The following NELL1 variants were observed in gnomAD, a reference collection of about 807,000 sequenced individuals.
NELL1 encodes protein kinase C-binding protein NELL1.
In NELL1, 76 loss-of-function variants were observed where a neutral mutation model predicts 107.4. The ratio of observed to expected loss-of-function variants is 0.71; its 90% CI spans 0.59 to 0.86. The LOEUF (loss-of-function observed/expected upper bound fraction) is 0.86, where lower values mean the gene tolerates loss of function less well. Ranked by LOEUF, NELL1 falls within the 40% of genes least tolerant of loss-of-function variation. The pLI, the probability that NELL1 is intolerant of heterozygous loss-of-function variation, is 0.00. For synonymous variants in NELL1, 353 were observed against 341.2 expected (o/e 1.03, Z -0.38); for missense variants, 1,024 against 1,005.5 (o/e 1.02, Z -0.25).
At chr11:20,959,944 A>G (rs916425503) in intron 11 of NELL1, among the ~76,000 whole-genome samples, 5 of 152,230 alleles carry the variant, frequency 3.3e-5, no homozygotes, top group African/African-American at 1.2e-4. Context: ...AAAGCTATAA[A>G]AAGCTGCAAG....
intron 13 of NELL1, among the ~76,000 whole-genome samples, chr11:21,134,789 A>C (rs560498691): frequency 1.3e-5 from 2 of 152,316 alleles, no homozygotes; most frequent in Admixed American, 1.3e-4. Flanking sequence ...TTGAAATGTA[A>C]AGTCCAAATG....
intron 15 of NELL1, among the ~76,000 whole-genome samples, chr11:21,428,020 G>C (rs1418043277): frequency 6.6e-6 from 1 of 152,204 alleles, no homozygotes; most frequent in Non-Finnish European, 1.5e-5. Flanking sequence ...TCCTGAAGCT[G>C]AATAGACAAG....
At chr11:21,279,170 A>G (rs1377371853) in intron 14 of NELL1, among the ~76,000 whole-genome samples, 1 of 152,170 alleles carries the variant, frequency 6.6e-6, no homozygotes, top group Non-Finnish European at 1.5e-5. Flanking sequence ...AAAAACTCGA[A>G]CTCCTAGAAG....
chr11:21,363,551 G>A (rs761100235), intron 14 of NELL1, among the ~76,000 whole-genome samples: 4 of 152,128 alleles, frequency 2.6e-5, no homozygotes, highest in South Asian at 2.1e-4. Context: ...AGATCATGGT[G>A]TGAGTCTCCA....
intron 2 of NELL1, among the ~76,000 whole-genome samples, chr11:20,685,028 A>G (rs569475157): frequency 6.6e-6 from 1 of 151,872 alleles, no homozygotes; most frequent in Non-Finnish European, 1.5e-5. Flanking sequence ...TTTTGGGTAG[A>G]TCTGTGTTTC....
chr11:21,555,813 C>T (rs892770721), intron 16 of NELL1, among the ~76,000 whole-genome samples: 9 of 152,012 alleles, frequency 5.9e-5, no homozygotes, highest in Non-Finnish European at 1.0e-4. Context: ...TGAGTTTGAG[C>T]TCCTCATCAC....
intron 3 of NELL1, among the ~76,000 whole-genome samples, chr11:20,814,985 CT>C (rs1209717856): frequency 6.6e-6 from 1 of 152,026 alleles, no homozygotes; most frequent in Non-Finnish European, 1.5e-5. Context: ...ATTTTTTTGA[CT>C]TTTTAATAGT....
At chr11:20,718,315 A>G (rs927653552) in intron 2 of NELL1, among the ~76,000 whole-genome samples, 8 of 152,176 alleles carry the variant, frequency 5.3e-5, no homozygotes, top group Non-Finnish European at 8.8e-5. Flanking sequence ...TTAAGTAGCC[A>G]CATGTGGCCA....
intron 12 of NELL1, among the ~76,000 whole-genome samples, chr11:21,104,338 T>C (rs1344268013): frequency 6.6e-6 from 1 of 152,176 alleles, no homozygotes; most frequent in African/African-American, 2.4e-5. Flanking sequence ...AAGAAAGTCA[T>C]GGGGTGTTGT....
At chr11:21,094,717 T>G (rs1201975711) in intron 12 of NELL1, among the ~76,000 whole-genome samples, 1 of 152,194 alleles carries the variant, frequency 6.6e-6, no homozygotes, top group Non-Finnish European at 1.5e-5. Flanking sequence ...TATGTTGGCT[T>G]CTTTCATCGG....
At chr11:21,306,881 T>G (rs1317990986) in intron 14 of NELL1, among the ~76,000 whole-genome samples, 13 of 152,082 alleles carry the variant, frequency 8.5e-5, no homozygotes, top group Admixed American at 8.5e-4. Flanking sequence ...TGTAATAACA[T>G]TTAAGATGCA....
At chr11:21,314,265 A>G (rs1436293626) in intron 14 of NELL1, among the ~76,000 whole-genome samples, 1 of 152,104 alleles carries the variant, frequency 6.6e-6, no homozygotes, top group Admixed American at 6.6e-5. Flanking sequence ...TAAATACCCC[A>G]CTTCCAATAC....
chr11:21,503,942 A>G (rs771321304), intron 15 of NELL1: 22 of 152,176 alleles, frequency 1.4e-4, no homozygotes, highest in African/African-American at 5.3e-4. Flanking sequence ...AATAATTACT[A>G]TGATATCACT....
Position 21,129,771 on chromosome 11 carries a change from A to G in NELL1, c.1426+16057A>G, listed in dbSNP as rs554507893. ...AGGCTGGAGCAATGGGGGCATGGAA[A>G]GTTATTGTTAATGGGTATAGGGCAT... On this transcript the variant is annotated intron_variant, in intron 13 of 19. Coordinates refer to ENST00000357134, the MANE Select transcript of NELL1 (RefSeq NM_006157.5). Among the ~76,000 whole-genome samples, 6 of 152,318 alleles carry G rather than the reference A, an allele frequency of 3.9e-5. No homozygotes were observed. In the East Asian group the frequency reaches 1.2e-3, roughly 29 times the overall value.
chr11:21,267,432 T>G (rs73453928), intron 14 of NELL1, among the ~76,000 whole-genome samples: 3,846 of 152,252 alleles, frequency 0.025, 184 homozygotes, highest in African/African-American at 0.087. Context: ...TATGCATTTT[T>G]TTCTCTCCAA....
chr11:21,203,981 A>T (rs1293372343), intron 13 of NELL1, among the ~76,000 whole-genome samples: 1 of 152,194 alleles, frequency 6.6e-6, no homozygotes, highest in Non-Finnish European at 1.5e-5. Flanking sequence ...AGAGATCCAC[A>T]GTTAGTCTGA....
chr11:21,222,886 G>A (rs1186517719), intron 13 of NELL1, among the ~76,000 whole-genome samples: 1 of 151,742 alleles, frequency 6.6e-6, no homozygotes, highest in Non-Finnish European at 1.5e-5. Context: ...TTCTAGTTTT[G>A]TTCCATTGTG....
At chr11:21,316,958 A>T (rs1849892794) in intron 14 of NELL1, among the ~76,000 whole-genome samples, 1 of 152,160 alleles carries the variant, frequency 6.6e-6, no homozygotes, top group Admixed American at 6.5e-5. Flanking sequence ...TTTTTATATT[A>T]TGTAGGTATG....
At chr11:20,705,784 T>C (rs1181927992) in intron 2 of NELL1, among the ~76,000 whole-genome samples, 2 of 150,974 alleles carry the variant, frequency 1.3e-5, no homozygotes, top group Non-Finnish European at 3.0e-5. Context: ...AGGGCTAATA[T>C]CCAGAATCTA....
Sources: gnomAD v4.1 joint callset for allele counts (sites outside exome capture counted in the v4.1 genomes callset) on GRCh38, gnomAD v4.1.1 for gene constraint, MANE v1.5 for transcripts, NCBI Gene and HGNC (gene_info 2026-07-23, HGNC 2026-07-21) for gene names.